Variants in ITPKB observed in about 807,000 individuals in gnomAD.
ITPKB encodes the protein inositol-trisphosphate 3-kinase B.
Under a neutral mutation model 69.4 loss-of-function variants are expected in ITPKB, and 13 were observed. That is an observed-to-expected ratio of 0.19 (90% CI 0.12 to 0.30). The LOEUF is 0.30. Among genes scored for constraint, ITPKB ranks in the 10% least tolerant of loss-of-function variants. ITPKB has a pLI of 1.00. For synonymous variants in ITPKB, 584 were observed against 513.7 expected (o/e 1.14, Z -1.85); for missense variants, 1,240 against 1,250.5 (o/e 0.99, Z 0.13).
rs938118292 is a variant in ITPKB at position 226,632,605 on chromosome 1, C to A, written c.*2066G>T. The A allele has an allele frequency of 6.6e-6, 1 of 152,522 alleles. No homozygotes were observed. The highest frequency in any genetic ancestry group is 2.4e-5 in the African/African-American group (1 of 41,412). The allele number at this position is 152,522 out of a possible 1,614,324, so 9.4% of individuals were successfully genotyped here. On this transcript the variant is annotated 3_prime_UTR_variant, in exon 8 of 8. Coordinates refer to ENST00000429204, the MANE Select transcript of ITPKB (RefSeq NM_002221.4). Reference sequence around the variant, plus strand: ...TACTATGTTCACATATTTAATGTAACCCACAGCCAAGTATTGCCAATAAGA... The same window carrying A: ...TACTATGTTCACATATTTAATGTAAACCACAGCCAAGTATTGCCAATAAGA...
intron 2 of ITPKB, among the ~76,000 whole-genome samples, chr1:226,678,973 A>G (rs1655993524): frequency 6.6e-6 from 1 of 152,212 alleles, no homozygotes; most frequent in African/African-American, 2.4e-5. Context: ...AAGAGACCAC[A>G]TGGTTGCCTA....
chr1:226,651,135 A>G (rs1669183698), intron 2 of ITPKB, among the ~76,000 whole-genome samples: 1 of 152,076 alleles, frequency 6.6e-6, no homozygotes, highest in Non-Finnish European at 1.5e-5. Flanking sequence ...GACTCAGTGG[A>G]GAGAAAGAGA....
rs1426901369 is a variant in ITPKB, at chr1:226,736,603, G to A, written c.856C>T (p.Arg286Trp). ...CCCAATGAGGGAGCTAGGCAGCTCC[G>A]AGTTCCCGGGGTAGGAGAGCCCCTT... ...DKRGSPTPGTRSCLAPSLGLF... is the reference protein window; with the variant it reads ...DKRGSPTPGTWSCLAPSLGLF... The change falls in exon 2 of 8, where the codon CGG becomes TGG. Residue 286 changes from arginine (R) to tryptophan (W), a missense_variant. Arg to Trp is a moderately radical substitution (Grantham distance 101). Transcript: ENST00000429204. 1 of 1,613,678 alleles carries A rather than the reference G, an allele frequency of 6.2e-7. No individual in the cohort carries two copies. The highest frequency in any genetic ancestry group is 1.3e-5 in the African/African-American group (1 of 74,948).
At chr1:226,660,247 G>A (rs1425504086) in intron 2 of ITPKB, among the ~76,000 whole-genome samples, 3 of 152,168 alleles carry the variant, frequency 2.0e-5, no homozygotes, top group South Asian at 2.1e-4. Context: ...ACATCTCTTC[G>A]TGGGCATCCC....
In ITPKB at chr1:226,634,751, G is replaced by T; in HGVS notation, c.2761C>A (p.Arg921=). ...AGCCCCGAGAGGTAGCCATCCTCCC[G>T]GTTCCCCTCCTGCCAGGGGACGTCA... ...QHDVPWQEGN[R]EDGYLSGLNN... The change falls in exon 8 of 8, where the codon CGG becomes AGG. Residue 921 remains arginine (R), a synonymous_variant. Coordinates refer to ENST00000429204, the MANE Select transcript of ITPKB (RefSeq NM_002221.4). The surrounding 1 kb of genome is among the most constrained non-coding windows in gnomAD (Gnocchi z 6.3). The T allele has an allele frequency of 1.5e-6, 2 of 1,308,802 alleles. No individual in the cohort carries two copies. Among genetic ancestry groups the T allele is most frequent in the Non-Finnish European group, 2.2e-6 (2 of 901,462 alleles). 81.1% of individuals were successfully genotyped at this position (1,308,802 alleles called of 1,614,324 possible).
rs371559058 is a variant in ITPKB at position 226,736,242 on chromosome 1, G to A, written c.1217C>T (p.Ser406Phe). 1.0e-5 allele frequency: 16 copies of A among 1,551,156 alleles called. No homozygotes were observed. The African/African-American group carries it at 2.1e-4, about 20-fold the overall frequency. Residue 406 changes from serine (S) to phenylalanine (F), a missense_variant, in exon 2 of 8, where the codon TCT becomes TTT. Transcript: ENST00000429204. ...CAGCCTGGACCAGCTCAGGGAATCAGAGGACTCTGCGCTTTGCACGCTCAC... is the reference window on the plus strand; with the variant it reads ...CAGCCTGGACCAGCTCAGGGAATCAAAGGACTCTGCGCTTTGCACGCTCAC... ...TTVSVQSAES[S>F]DSLSWSRLPR... is the part of the protein sequence containing the mutation.
At chr1:226,733,248 C>G (rs1657645806) in intron 2 of ITPKB, among the ~76,000 whole-genome samples, 1 of 152,114 alleles carries the variant, frequency 6.6e-6, no homozygotes, top group African/African-American at 2.4e-5. Context: ...TGGACAGACA[C>G]AGCAAAGTCC....
chr1:226,735,624 T>C lies in ITPKB; in HGVS notation c.1835A>G (p.Tyr612Cys). The C allele has an allele frequency of 6.2e-7, 1 of 1,610,832 alleles. No individual in the cohort carries two copies. The highest frequency in any genetic ancestry group is 8.5e-7 in the Non-Finnish European group (1 of 1,178,276). ...GGAGATGTCCTCCTCTGAGTCTTCG[T>C]AGGATGAGGAGAAGCCCGTGGAGGA... ...SASSTGFSSS[Y>C]EDSEEDISSD... Residue 612 changes from tyrosine (Y) to cysteine (C), a missense_variant, in exon 2 of 8, where the codon TAC becomes TGC. Tyr to Cys is a radical substitution (Grantham distance 194). This residue lies in a region of ITPKB where 992 missense variants were observed against 853.8 expected (regional missense o/e 1.16). Transcript: ENST00000429204.
At chr1:226,648,872 G>C in intron 2 of ITPKB, 101 bp from the exon 3 acceptor site, 1 of 833,308 alleles carries the variant, frequency 1.2e-6, no homozygotes, top group Non-Finnish European at 2.1e-6. Flanking sequence ...GTGGCCACAA[G>C]ATGGGAAGGG....
intron 2 of ITPKB, among the ~76,000 whole-genome samples, chr1:226,658,965 A>G (rs559886040): frequency 7.2e-5 from 11 of 152,110 alleles, no homozygotes; most frequent in African/African-American, 1.7e-4. Flanking sequence ...TCCACACCCA[A>G]TCAGGCTGCG....
chr1:226,636,090 T>C (rs1668832688), intron 7 of ITPKB, among the ~76,000 whole-genome samples: 1 of 152,216 alleles, frequency 6.6e-6, no homozygotes, highest in Non-Finnish European at 1.5e-5. Context: ...AAAATGCTTT[T>C]CCAAGAAATA....
Position 226,647,342 on chromosome 1 carries a change from T to G in ITPKB, c.2071A>C (p.Lys691Gln). 3 of 1,614,116 alleles carry G rather than the reference T, an allele frequency of 1.9e-6. No homozygotes were observed. The highest frequency in any genetic ancestry group is 2.5e-6 in the Non-Finnish European group (3 of 1,179,998). The change falls in exon 4 of 8, where the codon AAG becomes CAG. Residue 691 changes from lysine (K) to glutamine (Q), a missense_variant. Physicochemically the swap from Lys to Gln is moderately conservative, Grantham distance 53. Around this residue, in one of 2 missense-constraint regions of ITPKB, gnomAD observed 248 missense variants for 396.7 expected, o/e 0.63. Transcript: ENST00000429204. ...CAGCGCTGCTCTGACTCACAGTGCT[T>G]CTTCAGGATCCTGCCATTGGCAGCT... ...KAAANGRILK[K>Q]HCESEQRCLD...
chr1:226,737,926 A>G (rs1415313740), intron 1 of ITPKB, among the ~76,000 whole-genome samples: 1 of 151,928 alleles, frequency 6.6e-6, no homozygotes, highest in Non-Finnish European at 1.5e-5. Flanking sequence ...TCAAATCCCA[A>G]TCCTAATACT....
At chr1:226,721,689 T>G (rs1002513733) in intron 2 of ITPKB, among the ~76,000 whole-genome samples, 1 of 151,938 alleles carries the variant, frequency 6.6e-6, no homozygotes, top group Non-Finnish European at 1.5e-5. Context: ...GAGACGGGGT[T>G]TCACCATGTT....
At chr1:226,713,244 T>A (rs1373875857) in intron 2 of ITPKB, among the ~76,000 whole-genome samples, 1 of 152,160 alleles carries the variant, frequency 6.6e-6, no homozygotes, top group East Asian at 1.9e-4. Flanking sequence ...CTACTAATTC[T>A]GCCTTCCTTT....
chr1:226,639,722 C>T (rs1668914797), intron 5 of ITPKB, 64 bp from the exon 6 acceptor site: 1 of 1,091,288 alleles, frequency 9.2e-7, no homozygotes, highest in East Asian at 2.4e-5. Flanking sequence ...AAACTGTTCT[C>T]ACCCACCCAA....
intron 2 of ITPKB, among the ~76,000 whole-genome samples, chr1:226,675,403 A>C (rs115878017): frequency 2.0e-5 from 3 of 152,258 alleles, no homozygotes; most frequent in Non-Finnish European, 2.9e-5. Flanking sequence ...AGCACAGATC[A>C]GGACACAGAT....
chr1:226,726,766 C>T (rs1657433274), intron 2 of ITPKB, among the ~76,000 whole-genome samples: 1 of 152,092 alleles, frequency 6.6e-6, no homozygotes, highest in Non-Finnish European at 1.5e-5. Context: ...TCAAAATGTC[C>T]CCTACACTGG....
chr1:226,669,743 A>C (rs987129542), intron 2 of ITPKB, among the ~76,000 whole-genome samples: 1 of 152,244 alleles, frequency 6.6e-6, no homozygotes, highest in Non-Finnish European at 1.5e-5. Context: ...ACTCAAACAA[A>C]TGGGTAAAAA....
Sources: allele counts gnomAD v4.1 joint callset (sites outside exome capture counted in the v4.1 genomes callset), GRCh38; gene constraint gnomAD v4.1.1; regional missense constraint gnomAD v4.1.1; non-coding constraint Gnocchi (gnomAD v3.1); transcripts MANE v1.5; gene names NCBI Gene and HGNC (gene_info 2026-07-23, HGNC 2026-07-21).